The following CPLANE1 variants were observed in gnomAD, a reference collection of about 807,000 sequenced individuals.
The protein encoded by CPLANE1 is ciliogenesis and planar polarity effector 1.
CPLANE1 carries 263 observed loss-of-function variants against 362.5 expected under a neutral mutation model. The observed-to-expected ratio is 0.73, with a 90% CI of 0.66 to 0.80. The LOEUF is 0.80. CPLANE1 is among the 30% of genes least tolerant of loss of function. CPLANE1 has a pLI of 0.00. For synonymous variants in CPLANE1, 1,212 were observed against 1,302.6 expected, an observed-to-expected ratio of 0.93 and a Z score of 1.50; for missense variants, 3,461 against 3,793.4, an observed-to-expected ratio of 0.91 and a Z score of 2.30.
At chr5:37,205,492 T>C in intron 17 of CPLANE1, 38 bp from the exon 18 acceptor site, 1 of 1,436,178 alleles carries the variant, frequency 7.0e-7, no homozygotes, top group Non-Finnish European at 9.3e-7. Context: ...GAATCCAAAT[T>C]TTGAAAAAAA....
chr5:37,209,774 A>C lies in CPLANE1; in HGVS notation c.2921-3349T>G. 1 of 1,268,562 alleles carries C rather than the reference A, an allele frequency of 7.9e-7. No individual in the cohort carries two copies. Among genetic ancestry groups the C allele is most frequent in the Non-Finnish European group, 1.2e-6 (1 of 867,756 alleles). The allele number at this position is 1,268,562 out of a possible 1,614,324, so 78.6% of individuals were successfully genotyped here. ...CAGGAGCTGATAAAGAAAACCAAAA[A>C]GGTTTTCTTATGCATTTTTTAAAAG... is the stretch of plus-strand genomic sequence containing the variant. On this transcript the variant is annotated intron_variant, in intron 16 of 52. Transcript: ENST00000651892. This position sits in a 1 kb window ranked among gnomAD's most constrained non-coding sequence, Gnocchi z 4.6.
intron 14 of CPLANE1, among the ~76,000 whole-genome samples, chr5:37,222,085 C>T (rs906274915): frequency 1.3e-5 from 2 of 151,954 alleles, no homozygotes; most frequent in African/African-American, 2.4e-5. Flanking sequence ...ACTGCCTTTA[C>T]GTATCTGAAG....
At chr5:37,079,365 G>C in the CPLANE1 span, among the ~76,000 whole-genome samples, 2 of 152,058 alleles carry the variant, frequency 1.3e-5, no homozygotes, top group Admixed American at 1.3e-4. Context: ...ATGGTTGTAG[G>C]TGTGCTAAAT....
chr5:37,106,980 T>C lies in CPLANE1; in HGVS notation c.*622A>G. On this transcript the variant is annotated 3_prime_UTR_variant, in exon 53 of 53. Coordinates refer to ENST00000651892, the MANE Select transcript of CPLANE1 (RefSeq NM_001384732.1). ...GAGGCCGGAGTCATATTCCCTTACT[T>C]TCCTGCCCAAAGCATCCATTCCTGT... 1.0e-6 allele frequency: 1 copy of C among 985,432 alleles called. No homozygotes were observed. The highest frequency in any genetic ancestry group is 1.2e-6 in the Non-Finnish European group (1 of 829,940). The allele number at this position is 985,432 out of a possible 1,614,324, so 61.0% of individuals were successfully genotyped here.
Position 37,195,853 on chromosome 5 carries a change from C to T in CPLANE1, c.3811+5G>A, listed in dbSNP as rs770138338. The T allele has an allele frequency of 6.2e-7, 1 of 1,601,926 alleles. No individual in the cohort carries two copies. The highest frequency in any genetic ancestry group is 1.8e-5 in the Admixed American group (1 of 56,596). ...CTCTAAGCAAGCAGTTCATTTTGGA[C>T]AAACCTATTGCTCTAATGGAAACTT... On this transcript the variant is annotated splice_donor_5th_base_variant and intron_variant, in intron 21 of 52. Coordinates refer to ENST00000651892, the MANE Select transcript of CPLANE1 (RefSeq NM_001384732.1).
At chr5:37,090,576 C>A in the CPLANE1 span, among the ~76,000 whole-genome samples, 2 of 152,298 alleles carry the variant, frequency 1.3e-5, no homozygotes, top group Admixed American at 6.5e-5. Context: ...TTATCTCATA[C>A]CCTGGTAATC....
chr5:37,082,499 G>C, the CPLANE1 span, among the ~76,000 whole-genome samples: 2 of 151,970 alleles, frequency 1.3e-5, no homozygotes, highest in African/African-American at 4.8e-5. Context: ...AAGACCAATG[G>C]AACAAAACAG....
At chr5:37,162,654 G>C in intron 37 of CPLANE1, 88 bp from the exon 38 acceptor site, 1 of 813,524 alleles carries the variant, frequency 1.2e-6, no homozygotes, top group Non-Finnish European at 2.0e-6. Flanking sequence ...CTCAATGGAA[G>C]TAAAATATGG....
In CPLANE1 at chr5:37,142,754, T is replaced by A. The variant is rs556910534; in HGVS notation, c.8462-274A>T. 329 of 203,912 alleles carry A rather than the reference T, an allele frequency of 1.6e-3. 3 individuals carry two copies. Among genetic ancestry groups the A allele is most frequent in the African/African-American group, 7.2e-3 (312 of 43,606 alleles). The allele number at this position is 203,912 out of a possible 1,614,324, so 12.6% of individuals were successfully genotyped here. A position where few individuals can be genotyped will look rare whatever the true frequency, so the allele number is the denominator to read the frequency against. On this transcript the variant is annotated intron_variant, in intron 43 of 52. Transcript: ENST00000651892. The stretch of plus-strand genomic sequence containing the variant: ...AGACATGCTAAATTACAAAAAAAAA[T>A]TTTAATATACGACCAATCTTTCTAA...
At chr5:37,123,843 GACAC>G (rs1763381107) in intron 47 of CPLANE1, among the ~76,000 whole-genome samples, 1 of 151,612 alleles carries the variant, frequency 6.6e-6, no homozygotes, top group Admixed American at 6.6e-5. Context: ...TCTAAATTTG[GACAC>G]AATTCTAACA....
chr5:37,214,635 A>G (rs746342762), intron 15 of CPLANE1, among the ~76,000 whole-genome samples: 2 of 152,244 alleles, frequency 1.3e-5, no homozygotes, highest in Non-Finnish European at 2.9e-5. Context: ...TTTTGCAGCT[A>G]CTTCCTGTTG....
chr5:37,170,371 A>C, intron 32 of CPLANE1, 40 bp from the exon 33 acceptor site: 1 of 1,550,638 alleles, frequency 6.4e-7, no homozygotes, highest in Middle Eastern at 1.7e-4. Flanking sequence ...CTTAAAATAT[A>C]ACAAAAAGAA....
intron 46 of CPLANE1, chr5:37,130,579 T>G (rs1765480038): frequency 1.1e-5 from 2 of 181,194 alleles, no homozygotes; most frequent in South Asian, 2.3e-4. Context: ...ACAATGTTAA[T>G]AAAGCATTTG....
chr5:37,111,145 G>C (rs1486265932), intron 51 of CPLANE1, among the ~76,000 whole-genome samples: 1 of 140,188 alleles, frequency 7.1e-6, no homozygotes. Context: ...TTTTGAGACA[G>C]AGTCTCGCTC....
Position 37,107,556 on chromosome 5 carries a change from T to G in CPLANE1, c.*46A>C. On this transcript the variant is annotated 3_prime_UTR_variant, in exon 53 of 53. Coordinates refer to ENST00000651892, the MANE Select transcript of CPLANE1 (RefSeq NM_001384732.1). Reference sequence around the variant, plus strand: ...ACCTGTTAATCTTTCAGAACCACATTACTGAGGTGCTGGCCTGTGCATGGA... The same window carrying G: ...ACCTGTTAATCTTTCAGAACCACATGACTGAGGTGCTGGCCTGTGCATGGA... The G allele has an allele frequency of 1.3e-6, 2 of 1,503,956 alleles. No individual in the cohort carries two copies. The highest frequency in any genetic ancestry group is 1.4e-5 in the South Asian group (1 of 72,188). The allele number at this position is 1,503,956 out of a possible 1,614,324, so 93.2% of individuals were successfully genotyped here. A position where few individuals can be genotyped will look rare whatever the true frequency, so the allele number is the denominator to read the frequency against.
the CPLANE1 span, among the ~76,000 whole-genome samples, chr5:37,091,331 G>C: frequency 6.6e-6 from 1 of 152,170 alleles, no homozygotes; most frequent in East Asian, 1.9e-4. Flanking sequence ...TTTAACTTTT[G>C]CATTTATGGG....
the CPLANE1 span, among the ~76,000 whole-genome samples, chr5:37,089,233 C>A: frequency 6.6e-6 from 1 of 152,142 alleles, no homozygotes; most frequent in African/African-American, 2.4e-5. Context: ...CATGGAAGCA[C>A]ACACAGCCAA....
chr5:37,152,429 T>G (rs114606840), intron 42 of CPLANE1, among the ~76,000 whole-genome samples: 1 of 152,168 alleles, frequency 6.6e-6, no homozygotes. Context: ...CATGGTCTCA[T>G]TTAACCTATT....
chr5:37,121,269 A>T (rs1054353367), intron 49 of CPLANE1, among the ~76,000 whole-genome samples: 18 of 152,228 alleles, frequency 1.2e-4, no homozygotes, highest in Non-Finnish European at 2.5e-4. Context: ...GAAAGAGAGA[A>T]GATGACACAT....
Sources: gnomAD v4.1 joint callset for allele counts (sites outside exome capture counted in the v4.1 genomes callset) on GRCh38, gnomAD v4.1.1 for gene constraint, Gnocchi (gnomAD v3.1) non-coding constraint, MANE v1.5 for transcripts, NCBI Gene and HGNC (gene_info 2026-07-23, HGNC 2026-07-21) for gene names.